USP6NL: variants seen among roughly 807,000 people sequenced by gnomAD.
The protein encoded by USP6NL is USP6 N-terminal-like protein.
In USP6NL, 26 loss-of-function variants were observed where a neutral mutation model predicts 61.9. The observed-to-expected ratio is 0.42, with a 90% confidence interval of 0.31 to 0.58. USP6NL has a LOEUF of 0.58. Among genes scored for constraint, USP6NL ranks in the 20% least tolerant of loss-of-function variants. The probability of loss-of-function intolerance (pLI) is 0.16; values close to 1 mark genes in which losing one functional copy is unlikely to be tolerated. For missense variants in USP6NL, 1,114 were observed against 1,034.3 expected, an observed-to-expected ratio of 1.08 and a Z score of -1.06; for synonymous variants, 432 against 390.1, an observed-to-expected ratio of 1.11 and a Z score of -1.27.
Position 11,518,627 on chromosome 10 carries a change from T to C in USP6NL, c.156-53A>G. ...AATTGTTGAAATCAAAACAAACTTT[T>C]AAAAGCTTATATACTTATAGATACA... On this transcript the variant is annotated intron_variant, in intron 4 of 14. Transcript: ENST00000609104. This position sits in a 1 kb window ranked among gnomAD's most constrained non-coding sequence, Gnocchi z 5.3. 1 of 1,361,662 alleles carries C rather than the reference T, an allele frequency of 7.3e-7. No homozygotes were observed. Among genetic ancestry groups the C allele is most frequent in the Non-Finnish European group, 1.0e-6 (1 of 959,726 alleles). The allele number at this position is 1,361,662 out of a possible 1,614,324, so 84.3% of individuals were successfully genotyped here.
At chr10:11,546,696 T>C (rs2133473184) in intron 2 of USP6NL, among the ~76,000 whole-genome samples, 1 of 152,290 alleles carries the variant, frequency 6.6e-6, no homozygotes, top group South Asian at 2.1e-4. Context: ...GGATTTTTCT[T>C]ATAGGACTTG....
rs1014674824 is a variant in USP6NL, at chr10:11,575,305, G to A, written c.4+22326C>T. On this transcript the variant is annotated intron_variant, in intron 2 of 14. Coordinates refer to ENST00000609104, the MANE Select transcript of USP6NL (RefSeq NM_014688.5). The surrounding 1 kb of genome is among the most constrained non-coding windows in gnomAD (Gnocchi z 4.2). ...GTGCCTCATCCCACTTCCTAGGGCA[G>A]TTTGGGACACGTAATAAGTGTTAAG... is the stretch of plus-strand genomic sequence containing the variant. 1.2e-4 allele frequency among the ~76,000 whole-genome samples: 18 copies of A among 152,200 alleles called. No individual in the cohort carries two copies. Among genetic ancestry groups the A allele is most frequent in the Non-Finnish European group, 1.9e-4 (13 of 68,034 alleles).
At position 11,539,988 on chromosome 10, in the gene USP6NL, C is replaced by T. The variant is rs1045183337; in HGVS notation, c.5-12421G>A. Reference sequence around the variant, plus strand: ...GGGCAGGACTTAAAAGCCAGGCTGTCCAATTTCAACTTCAAAGCCATGTTT... The same window carrying T: ...GGGCAGGACTTAAAAGCCAGGCTGTTCAATTTCAACTTCAAAGCCATGTTT... On this transcript the variant is annotated intron_variant, in intron 2 of 14. Transcript: ENST00000609104. 9.8e-5 allele frequency among the ~76,000 whole-genome samples: 15 copies of T among 152,300 alleles called. 1 individual carries two copies. The South Asian group carries it at 2.5e-3, about 25-fold the overall frequency.
intron 4 of USP6NL, among the ~76,000 whole-genome samples, chr10:11,519,054 C>T (rs1171993662): frequency 6.6e-6 from 1 of 152,142 alleles, no homozygotes; most frequent in Admixed American, 6.6e-5. Flanking sequence ...CTGGGCCATA[C>T]CGTCTTTTTC....
chr10:11,483,545 AG>A (rs2133230157), intron 13 of USP6NL, among the ~76,000 whole-genome samples: 1 of 40,254 alleles, frequency 2.5e-5, no homozygotes, highest in Non-Finnish European at 4.7e-5. Context: ...GGAGAGAGAG[AG>A]GGAGGGAGGG....
At position 11,487,862 on chromosome 10, in the gene USP6NL, A is replaced by C. The variant is rs1833536794; in HGVS notation, c.664+1240T>G. 6.6e-6 allele frequency among the ~76,000 whole-genome samples: 1 copy of C among 152,230 alleles called. No homozygotes were observed. The highest frequency in any genetic ancestry group is 2.1e-4 in the South Asian group (1 of 4,832). On this transcript the variant is annotated intron_variant, in intron 10 of 14. Coordinates refer to ENST00000609104, the MANE Select transcript of USP6NL (RefSeq NM_014688.5). The surrounding 1 kb of genome is among the most constrained non-coding windows in gnomAD (Gnocchi z 4.2). ...ACATGGTCAGAGTGTGAGACTTCAC[A>C]AACAATGGGCTATAGAAAGTCATAA...
intron 2 of USP6NL, among the ~76,000 whole-genome samples, chr10:11,588,768 A>G (rs1838062681): frequency 6.6e-6 from 1 of 151,490 alleles, no homozygotes; most frequent in Non-Finnish European, 1.5e-5. Flanking sequence ...GGAAAAGAGT[A>G]ATAACTCCAT....
chr10:11,538,844 G>A (rs774578298), intron 2 of USP6NL, among the ~76,000 whole-genome samples: 4 of 152,110 alleles, frequency 2.6e-5, no homozygotes, highest in African/African-American at 4.8e-5. Context: ...AGGGGGCTCC[G>A]GGAAGATGAA....
Position 11,513,183 on chromosome 10 carries a change from T to C in USP6NL, c.196-3508A>G, listed in dbSNP as rs932888627. On this transcript the variant is annotated intron_variant, in intron 5 of 14. Transcript: ENST00000609104. This position sits in a 1 kb window ranked among gnomAD's most constrained non-coding sequence, Gnocchi z 4.7. ...CAACTGAACCCTATGAAGGAATTAA[T>C]AACATTCTGTGGTCTCAAGGTGGAG... Among the ~76,000 whole-genome samples, 1 of 152,168 alleles carries C rather than the reference T, an allele frequency of 6.6e-6. No individual in the cohort carries two copies. The highest frequency in any genetic ancestry group is 2.4e-5 in the African/African-American group (1 of 41,446).
At chr10:11,509,882 T>A (rs1418096387) in intron 5 of USP6NL, among the ~76,000 whole-genome samples, 1 of 152,198 alleles carries the variant, frequency 6.6e-6, no homozygotes, top group Non-Finnish European at 1.5e-5. Flanking sequence ...AAATGCTCTC[T>A]CTAGGTAAAA....
chr10:11,489,570 C>A lies in USP6NL; in HGVS notation c.544-348G>T, dbSNP rs534102585. On this transcript the variant is annotated intron_variant, in intron 9 of 14. Transcript: ENST00000609104. This position sits in a 1 kb window ranked among gnomAD's most constrained non-coding sequence, Gnocchi z 5.7. Reference sequence around the variant, plus strand: ...TTGCTCAGTTGCTGGCAAAGTCTCCCCTTCTACAACACCCAGTATGCTGTC... The same window carrying A: ...TTGCTCAGTTGCTGGCAAAGTCTCCACTTCTACAACACCCAGTATGCTGTC... 4.6e-5 allele frequency among the ~76,000 whole-genome samples: 7 copies of A among 152,316 alleles called. No homozygotes were observed. Among genetic ancestry groups the A allele is most frequent in the South Asian group, 2.1e-4 (1 of 4,830 alleles).
Position 11,490,600 on chromosome 10 carries a change from T to C in USP6NL, c.543+232A>G, listed in dbSNP as rs1213895221. 6.6e-6 allele frequency among the ~76,000 whole-genome samples: 1 copy of C among 152,090 alleles called. No homozygotes were observed. Among genetic ancestry groups the C allele is most frequent in the African/African-American group, 2.4e-5 (1 of 41,404 alleles). ...ACAATATGGAGGGAGAGAGAAAAGG[T>C]GAGACTCACTGGCATACTGTGGTCA... On this transcript the variant is annotated intron_variant, in intron 9 of 14. Transcript: ENST00000609104. The surrounding 1 kb of genome is among the most constrained non-coding windows in gnomAD (Gnocchi z 4.5).
chr10:11,501,136 G>T lies in USP6NL; in HGVS notation c.349C>A (p.Pro117Thr), dbSNP rs768908394. 6.2e-7 allele frequency: 1 copy of T among 1,612,820 alleles called. No individual in the cohort carries two copies. Among genetic ancestry groups the T allele is most frequent in the Admixed American group, 1.7e-5 (1 of 59,896 alleles). The change falls in exon 7 of 15, where the codon CCT becomes ACT. Residue 117 changes from proline (P) to threonine (T), a missense_variant. Transcript: ENST00000609104. ...GEVWALLLEI[P>T]KMKEETRDLY... ...TCCCTTGTTTCTTCTTTCATTTTAG[G>T]GATCTCAAGAAGGAGGGCCCAGACT...
At position 11,495,932 on chromosome 10, in the gene USP6NL, T is replaced by C. The variant is rs937977690; in HGVS notation, c.385-2704A>G. Among the ~76,000 whole-genome samples, 1 of 152,202 alleles carries C rather than the reference T, an allele frequency of 6.6e-6. No homozygotes were observed. Among genetic ancestry groups the C allele is most frequent in the African/African-American group, 2.4e-5 (1 of 41,456 alleles). On this transcript the variant is annotated intron_variant, in intron 7 of 14. Transcript: ENST00000609104. This position sits in a 1 kb window ranked among gnomAD's most constrained non-coding sequence, Gnocchi z 4.6. ...CTCGTGGAGGCATGTGGCCAAGCAG[T>C]TGGACTGGGGTTCCCTGAAGTCAGT...
At chr10:11,502,704 T>G (rs1405995663) in intron 6 of USP6NL, among the ~76,000 whole-genome samples, 1 of 152,210 alleles carries the variant, frequency 6.6e-6, no homozygotes, top group African/African-American at 2.4e-5. Flanking sequence ...TTTAAGAAAC[T>G]TCGATCATGT....
intron 14 of USP6NL, among the ~76,000 whole-genome samples, chr10:11,472,183 A>G (rs1832779646): frequency 6.6e-6 from 1 of 152,252 alleles, no homozygotes; most frequent in African/African-American, 2.4e-5. Flanking sequence ...AAAAAAGCAA[A>G]AATGTTTATT....
Position 11,597,523 on chromosome 10 carries a change from AAT to A in USP6NL, c.4+106_4+107del. On this transcript the variant is annotated intron_variant, in intron 2 of 14. Coordinates refer to ENST00000609104, the MANE Select transcript of USP6NL (RefSeq NM_014688.5). This position sits in a 1 kb window ranked among gnomAD's most constrained non-coding sequence, Gnocchi z 4.6. ...TGGGTGGAACCACATTCAAACTCTG[AAT>A]AAGTGACATAATTCCAATTTATTCA... is the stretch of plus-strand genomic sequence containing the variant. The A allele has an allele frequency of 8.4e-7, 1 of 1,191,862 alleles. No individual in the cohort carries two copies. Among genetic ancestry groups the A allele is most frequent in the South Asian group, 1.3e-5 (1 of 76,854 alleles). 73.8% of individuals were successfully genotyped at this position (1,191,862 alleles called of 1,614,324 possible).
At chr10:11,546,176 C>G (rs2133471144) in intron 2 of USP6NL, among the ~76,000 whole-genome samples, 1 of 152,284 alleles carries the variant, frequency 6.6e-6, no homozygotes, top group African/African-American at 2.4e-5. Flanking sequence ...ATGCTTATAA[C>G]CTTGCAAATG....
chr10:11,564,489 C>A (rs555255654), intron 2 of USP6NL: 2 of 152,152 alleles, frequency 1.3e-5, no homozygotes, highest in East Asian at 3.9e-4. Flanking sequence ...AAACAAATAC[C>A]AGGCAAGCTC....
Sources: allele counts gnomAD v4.1 joint callset (sites outside exome capture counted in the v4.1 genomes callset), GRCh38; gene constraint gnomAD v4.1.1; non-coding constraint Gnocchi (gnomAD v3.1); transcripts MANE v1.5; gene names NCBI Gene and HGNC (gene_info 2026-07-23, HGNC 2026-07-21).